Variants in NAALADL2 observed in about 807,000 individuals in gnomAD.
NAALADL2 encodes inactive N-acetylated-alpha-linked acidic dipeptidase-like protein 2.
A neutral mutation model predicts 87.2 loss-of-function variants in NAALADL2; 76 were observed. That is an observed-to-expected ratio of 0.87 (90% CI 0.72 to 1.05). NAALADL2 has a LOEUF of 1.05. Among genes scored for constraint, NAALADL2 ranks in the 50% least tolerant of loss-of-function variants. NAALADL2 has a pLI of 0.00. For synonymous variants in NAALADL2, 354 were observed against 331.0 expected (o/e 1.07, Z -0.75); for missense variants, 1,089 against 945.8 (o/e 1.15, Z -1.99).
At chr3:175,310,057 C>T (rs957837992) in intron 4 of NAALADL2, among the ~76,000 whole-genome samples, 10 of 152,104 alleles carry the variant, frequency 6.6e-5, no homozygotes, top group Non-Finnish European at 1.0e-4. Flanking sequence ...TAATATCATA[C>T]GGAACTTGCA....
intron 1 of NAALADL2, among the ~76,000 whole-genome samples, chr3:174,449,432 C>T (rs2108268678): frequency 6.6e-6 from 1 of 152,270 alleles, no homozygotes; most frequent in South Asian, 2.1e-4. Context: ...GTCTTTAACA[C>T]CTACATTAAG....
intron 1 of NAALADL2, chr3:174,540,648 A>G (rs1220773549): frequency 2.6e-5 from 4 of 152,168 alleles, no homozygotes; most frequent in African/African-American, 9.7e-5. Flanking sequence ...ATAGTTTTTT[A>G]TTGTCTCTAC....
chr3:175,637,446 A>AG (rs1040820941), intron 11 of NAALADL2, among the ~76,000 whole-genome samples: 9 of 152,186 alleles, frequency 5.9e-5, no homozygotes, highest in Admixed American at 1.3e-4. Context: ...ATTGATGCCC[A>AG]GTGTTGGAGG....
chr3:175,310,668 T>C (rs1304444155), intron 4 of NAALADL2, among the ~76,000 whole-genome samples: 1 of 152,008 alleles, frequency 6.6e-6, no homozygotes, highest in African/African-American at 2.4e-5. Context: ...TACTTTTTAT[T>C]TGAGCTTGCT....
chr3:175,705,118 G>A (rs1292743562), intron 11 of NAALADL2, among the ~76,000 whole-genome samples: 1 of 152,072 alleles, frequency 6.6e-6, no homozygotes, highest in African/African-American at 2.4e-5. Context: ...GCTGGAGAGA[G>A]GAAGAGTAGG....
chr3:175,012,246 C>G (rs1749926025), intron 1 of NAALADL2, among the ~76,000 whole-genome samples: 1 of 152,192 alleles, frequency 6.6e-6, no homozygotes, highest in African/African-American at 2.4e-5. Context: ...CTCACTGCAA[C>G]CTCCACCTCC....
intron 13 of NAALADL2, among the ~76,000 whole-genome samples, chr3:175,787,617 T>C (rs904539886): frequency 7.2e-5 from 11 of 152,038 alleles, no homozygotes; most frequent in Non-Finnish European, 1.3e-4. Context: ...TGTCTGGCGC[T>C]CCCTAGTGAG....
At chr3:174,583,820 A>G (rs1179068585) in intron 2 of NAALADL2, among the ~76,000 whole-genome samples, 1 of 152,186 alleles carries the variant, frequency 6.6e-6, no homozygotes, top group Non-Finnish European at 1.5e-5. Context: ...AAACAGTGGG[A>G]TATTACAAAA....
At chr3:175,593,571 G>A (rs544051152) in intron 10 of NAALADL2, among the ~76,000 whole-genome samples, 8 of 152,146 alleles carry the variant, frequency 5.3e-5, no homozygotes, top group Non-Finnish European at 1.0e-4. Flanking sequence ...ATATCAAGAT[G>A]TCATTAGGTA....
chr3:175,392,514 A>T (rs1007182510), intron 5 of NAALADL2, among the ~76,000 whole-genome samples: 6 of 152,218 alleles, frequency 3.9e-5, no homozygotes, highest in Non-Finnish European at 8.8e-5. Context: ...CCTTTCCAAT[A>T]AAATACCTAC....
intron 8 of NAALADL2, among the ~76,000 whole-genome samples, chr3:175,469,926 T>A (rs1724622803): frequency 6.6e-6 from 1 of 152,112 alleles, no homozygotes; most frequent in African/African-American, 2.4e-5. Flanking sequence ...GAAAAATTAC[T>A]CAAGCTTAAA....
chr3:175,334,560 C>T (rs1185437875), intron 5 of NAALADL2, among the ~76,000 whole-genome samples: 2 of 152,152 alleles, frequency 1.3e-5, no homozygotes, highest in African/African-American at 4.8e-5. Context: ...AGCATATACA[C>T]ATATTCTTCT....
chr3:174,477,234 T>C (rs1376222695), intron 1 of NAALADL2, among the ~76,000 whole-genome samples: 3 of 152,160 alleles, frequency 2.0e-5, no homozygotes, highest in African/African-American at 7.2e-5. Flanking sequence ...AACTAGAGTT[T>C]AGGCCAAATA....
chr3:174,808,617 C>T (rs1162102396), intron 3 of NAALADL2, among the ~76,000 whole-genome samples: 1 of 152,074 alleles, frequency 6.6e-6, no homozygotes, highest in African/African-American at 2.4e-5. Context: ...TTTCCAGGAA[C>T]CTGGCCACTA....
intron 5 of NAALADL2, among the ~76,000 whole-genome samples, chr3:175,408,605 A>G (rs980719220): frequency 6.6e-6 from 1 of 152,028 alleles, no homozygotes; most frequent in Non-Finnish European, 1.5e-5. Context: ...GAGATTGTAT[A>G]TAATGTTTCA....
intron 11 of NAALADL2, among the ~76,000 whole-genome samples, chr3:175,673,876 G>C (rs1427667800): frequency 6.6e-6 from 1 of 151,354 alleles, no homozygotes; most frequent in Non-Finnish European, 1.5e-5. Flanking sequence ...CATATAGGCA[G>C]GTGGAAAATA....
chr3:175,339,897 C>T (rs1762402210), intron 5 of NAALADL2, among the ~76,000 whole-genome samples: 1 of 152,130 alleles, frequency 6.6e-6, no homozygotes, highest in South Asian at 2.1e-4. Flanking sequence ...AAAATCTGCA[C>T]ACTGAGATGA....
intron 7 of NAALADL2, 43 bp from the exon 8 acceptor site, chr3:175,466,936 G>T (rs1437159386): frequency 1.4e-6 from 2 of 1,446,398 alleles, no homozygotes; most frequent in Non-Finnish European, 1.9e-6. Flanking sequence ...TATTGTTAAG[G>T]TTTACATTTT....
chr3:175,738,870 G>A (rs1744874878), intron 12 of NAALADL2, among the ~76,000 whole-genome samples: 1 of 152,184 alleles, frequency 6.6e-6, no homozygotes, highest in East Asian at 1.9e-4. Flanking sequence ...AACAAAGAAG[G>A]TATAAATAAA....
Sources: allele counts gnomAD v4.1 joint callset (sites outside exome capture counted in the v4.1 genomes callset), GRCh38; gene constraint gnomAD v4.1.1; transcripts MANE v1.5; gene names NCBI Gene and HGNC (gene_info 2026-07-23, HGNC 2026-07-21).